Variants in PRKCA observed in about 807,000 individuals in gnomAD.
PRKCA encodes the protein protein kinase C alpha, also known as protein kinase C alpha type.
In PRKCA, 27 loss-of-function variants were observed where a neutral mutation model predicts 87.0. The ratio of observed to expected loss-of-function variants is 0.31; its 90% confidence interval spans 0.23 to 0.43. The LOEUF (loss-of-function observed/expected upper bound fraction) is 0.43, where lower values mean the gene tolerates loss of function less well. PRKCA is among the 20% of genes least tolerant of loss of function. PRKCA has a pLI of 1.00. For missense variants in PRKCA, 518 were observed against 852.3 expected, an observed-to-expected ratio of 0.61 and a Z score of 4.88; for synonymous variants, 329 against 311.1, an observed-to-expected ratio of 1.06 and a Z score of -0.61.
intron 14 of PRKCA, among the ~76,000 whole-genome samples, chr17:66,781,849 T>TGAGAGA (rs56164343): frequency 2.4e-4 from 31 of 131,564 alleles, no homozygotes; most frequent in African/African-American, 8.4e-4. Flanking sequence ...GTAAATTTTG[T>TGAGAGA]GAGAGAGAGA....
At chr17:66,433,637 C>G (rs532554741) in intron 2 of PRKCA, among the ~76,000 whole-genome samples, 1 of 152,054 alleles carries the variant, frequency 6.6e-6, no homozygotes, top group Non-Finnish European at 1.5e-5. Flanking sequence ...CTCTGCCTCC[C>G]GGGTTCAAGC....
intron 11 of PRKCA, among the ~76,000 whole-genome samples, chr17:66,739,476 A>C (rs1021533237): frequency 2.6e-5 from 4 of 152,220 alleles, no homozygotes; most frequent in Non-Finnish European, 5.9e-5. Flanking sequence ...TGCGAAAGGA[A>C]CGAGGTGCTC....
At chr17:66,369,141 G>A (rs1300390820) in intron 2 of PRKCA, among the ~76,000 whole-genome samples, 4 of 152,348 alleles carry the variant, frequency 2.6e-5, no homozygotes, top group Middle Eastern at 3.4e-3. Context: ...TTCAGCTTGT[G>A]TTGATCAGAA....
At chr17:66,779,124 G>A (rs139250487) in intron 14 of PRKCA, among the ~76,000 whole-genome samples, 37 of 152,132 alleles carry the variant, frequency 2.4e-4, no homozygotes, top group African/African-American at 3.4e-4. Flanking sequence ...CCCAGCAAAC[G>A]GAATAGATGT....
chr17:66,320,829 A>G (rs946853438), intron 2 of PRKCA, among the ~76,000 whole-genome samples: 9 of 152,230 alleles, frequency 5.9e-5, no homozygotes. Context: ...TAAATTACTC[A>G]TTAGTTAATC....
chr17:66,564,715 C>A (rs184471993), intron 3 of PRKCA, among the ~76,000 whole-genome samples: 37 of 152,282 alleles, frequency 2.4e-4, no homozygotes, highest in Admixed American at 2.2e-3. Flanking sequence ...GGTGCAGTGG[C>A]TCATGCCTGT....
chr17:66,571,069 G>A lies in PRKCA; in HGVS notation c.289-70286G>A, dbSNP rs577967465. Among the ~76,000 whole-genome samples, 5 of 152,296 alleles carry A rather than the reference G, an allele frequency of 3.3e-5. No homozygotes were observed. The South Asian group carries it at 1.0e-3, about 32-fold the overall frequency. The stretch of plus-strand genomic sequence containing the variant: ...TTTGCATAAACCACACATTCCAGAG[G>A]GGTTCTAATCGTGTTTACATATACT... On this transcript the variant is annotated intron_variant, in intron 3 of 16. Transcript: ENST00000413366.
At chr17:66,364,403 A>T (rs1054396277) in intron 2 of PRKCA, 6 of 152,026 alleles carry the variant, frequency 3.9e-5, no homozygotes, top group Non-Finnish European at 7.4e-5. Context: ...AAAATAAATG[A>T]CTCCAGAGGC....
At position 66,632,131 on chromosome 17, in the gene PRKCA, T is replaced by C. The variant is rs1165284834; in HGVS notation, c.289-9224T>C. On this transcript the variant is annotated intron_variant, in intron 3 of 16. Coordinates refer to ENST00000413366, the MANE Select transcript of PRKCA (RefSeq NM_002737.3). ...CCAGCATGCTAGGCTTTTCCCCCAATGGTGTCTCATGAAGCAGCCGGAATA... is the reference window on the plus strand; with the variant it reads ...CCAGCATGCTAGGCTTTTCCCCCAACGGTGTCTCATGAAGCAGCCGGAATA... Among the ~76,000 whole-genome samples, 6 of 152,144 alleles carry C rather than the reference T, an allele frequency of 3.9e-5. No homozygotes were observed. The South Asian group carries it at 1.0e-3, about 26-fold the overall frequency.
chr17:66,326,601 G>A (rs1361853185), intron 2 of PRKCA, among the ~76,000 whole-genome samples: 1 of 152,182 alleles, frequency 6.6e-6, no homozygotes, highest in African/African-American at 2.4e-5. Flanking sequence ...TGCTAGGAGC[G>A]CAGACAACTC....
chr17:66,572,327 C>T lies in PRKCA; in HGVS notation c.289-69028C>T, dbSNP rs976518327. ...ACTAAAAGTACAAAAATTAGCCAGGCGTGGTGGTGGGCACCTGTAATCCCA... is the reference window on the plus strand; with the variant it reads ...ACTAAAAGTACAAAAATTAGCCAGGTGTGGTGGTGGGCACCTGTAATCCCA... On this transcript the variant is annotated intron_variant, in intron 3 of 16. Transcript: ENST00000413366. Among the ~76,000 whole-genome samples, 6 of 152,074 alleles carry T rather than the reference C, an allele frequency of 3.9e-5. No homozygotes were observed. The East Asian group carries it at 5.8e-4, about 15-fold the overall frequency.
intron 2 of PRKCA, among the ~76,000 whole-genome samples, chr17:66,421,048 G>A (rs1009959504): frequency 3.9e-5 from 6 of 152,318 alleles, no homozygotes; most frequent in East Asian, 1.9e-4. Flanking sequence ...GTCTGGTGAC[G>A]GAGTCCAAGC....
intron 5 of PRKCA, among the ~76,000 whole-genome samples, chr17:66,681,864 C>T (rs1287588074): frequency 6.6e-6 from 1 of 152,182 alleles, no homozygotes; most frequent in Non-Finnish European, 1.5e-5. Context: ...TTTGTGAGCG[C>T]ACCTTGCTTC....
intron 8 of PRKCA, among the ~76,000 whole-genome samples, chr17:66,700,869 C>T (rs1161126729): frequency 6.6e-6 from 1 of 152,100 alleles, no homozygotes; most frequent in Non-Finnish European, 1.5e-5. Flanking sequence ...GTTTGTACTA[C>T]CCAAAGTGAT....
intron 5 of PRKCA, among the ~76,000 whole-genome samples, chr17:66,664,025 G>A (rs1324569787): frequency 4.6e-5 from 7 of 151,894 alleles, no homozygotes; most frequent in East Asian, 3.9e-4. Context: ...ATGCCACCAC[G>A]CCCTGCTAAT....
chr17:66,415,274 GAAA>G (rs1462656260), intron 2 of PRKCA: 1 of 152,160 alleles, frequency 6.6e-6, no homozygotes, highest in Non-Finnish European at 1.5e-5. Context: ...TGTCCATTTA[GAAA>G]ATAAGTTAGA....
chr17:66,327,193 C>T (rs1278624086), intron 2 of PRKCA, among the ~76,000 whole-genome samples: 2 of 151,816 alleles, frequency 1.3e-5, no homozygotes, highest in East Asian at 1.9e-4. Context: ...GGTGAAACCC[C>T]GTCTCTACTA....
At chr17:66,332,695 ATT>A (rs11405379) in intron 2 of PRKCA, among the ~76,000 whole-genome samples, 1 of 142,930 alleles carries the variant, frequency 7.0e-6, no homozygotes. Context: ...TTTGTTTTTA[ATT>A]TTTTTTTTTT....
chr17:66,443,663 T>C (rs904332566), intron 2 of PRKCA, among the ~76,000 whole-genome samples: 36 of 152,150 alleles, frequency 2.4e-4, no homozygotes, highest in African/African-American at 8.4e-4. Flanking sequence ...CCTTGGTAAA[T>C]GACTTGCTAC....
Sources: allele counts gnomAD v4.1 joint callset (sites outside exome capture counted in the v4.1 genomes callset), GRCh38; gene constraint gnomAD v4.1.1; transcripts MANE v1.5; gene names NCBI Gene and HGNC (gene_info 2026-07-23, HGNC 2026-07-21).